Variants in TMPRSS15 observed in about 807,000 individuals in gnomAD.
TMPRSS15 encodes the protein enteropeptidase.
Under a neutral mutation model 125.3 loss-of-function variants are expected in TMPRSS15, and 128 were observed. The observed-to-expected ratio is 1.02, with a 90% CI of 0.89 to 1.18. The LOEUF (loss-of-function observed/expected upper bound fraction) is 1.18, where lower values mean the gene tolerates loss of function less well. TMPRSS15 is among the 50% of genes most tolerant of loss of function. TMPRSS15 has a pLI of 0.00. For synonymous variants in TMPRSS15, 446 were observed against 423.2 expected (o/e 1.05, Z -0.66); for missense variants, 1,283 against 1,212.7 (o/e 1.06, Z -0.86).
At chr21:18,418,084 A>G (rs1457592522) in intron 1 of TMPRSS15, among the ~76,000 whole-genome samples, 1 of 152,138 alleles carries the variant, frequency 6.6e-6, no homozygotes, top group Non-Finnish European at 1.5e-5. Flanking sequence ...AATGAAATGT[A>G]TTGCTCATTT....
chr21:18,319,463 T>C (rs1601328933), intron 16 of TMPRSS15, among the ~76,000 whole-genome samples: 1 of 147,878 alleles, frequency 6.8e-6, no homozygotes, highest in East Asian at 2.0e-4. Flanking sequence ...AGTTTTGCTC[T>C]TGTTGCCCAG....
rs370916368 is a variant in TMPRSS15 at position 18,293,346 on chromosome 21, A to G, written c.2486+924T>C. Among the ~76,000 whole-genome samples, 3 of 151,968 alleles carry G rather than the reference A, an allele frequency of 2.0e-5. No homozygotes were observed. The South Asian group carries it at 6.2e-4, about 32-fold the overall frequency. ...TCCTCGTCAATGCCTGGTTCTTTCT[A>G]ACATGGTTCTTTCCTCTGAGGTTCT... On this transcript the variant is annotated intron_variant, in intron 21 of 24. Transcript: ENST00000284885.
At chr21:18,331,136 A>C (rs2075341690) in intron 14 of TMPRSS15, among the ~76,000 whole-genome samples, 2 of 151,860 alleles carry the variant, frequency 1.3e-5, no homozygotes, top group African/African-American at 4.8e-5. Flanking sequence ...TCCCCAAAGA[A>C]GTCAAATTAG....
chr21:18,294,584 T>A lies in TMPRSS15; in HGVS notation c.2311+19A>T, dbSNP rs1540000. ...TAAACAGAATGCTTGAAGTGGGATA[T>A]GACAACATATTTACTTACATTTATG... On this transcript the variant is annotated intron_variant, in intron 20 of 24. Transcript: ENST00000284885. 0.28 allele frequency: 455,976 copies of A among 1,607,282 alleles called. 67,845 individuals carry two copies. Among genetic ancestry groups the A allele is most frequent in the African/African-American group, 0.41 (30,345 of 74,808 alleles).
intron 1 of TMPRSS15, among the ~76,000 whole-genome samples, chr21:18,455,212 C>G (rs1215809725): frequency 6.6e-6 from 1 of 152,102 alleles, no homozygotes; most frequent in African/African-American, 2.4e-5. Flanking sequence ...GACTATTAGT[C>G]AATTAAACCT....
At chr21:18,477,295 C>T (rs931318916) in intron 1 of TMPRSS15, 3 of 152,106 alleles carry the variant, frequency 2.0e-5, no homozygotes, top group African/African-American at 4.8e-5. Flanking sequence ...TCACTTCCAG[C>T]GGCTGGATAT....
chr21:18,396,815 T>TATCTATCTATC (rs1255502630), intron 3 of TMPRSS15, among the ~76,000 whole-genome samples: 6 of 144,122 alleles, frequency 4.2e-5, no homozygotes, highest in African/African-American at 5.2e-5. Flanking sequence ...TCTGTCTATC[T>TATCTATCTATC]ATCTATCTAT....
chr21:18,280,588 A>AC (rs1568979242), intron 22 of TMPRSS15, among the ~76,000 whole-genome samples: 3 of 145,992 alleles, frequency 2.1e-5, no homozygotes, highest in Admixed American at 1.3e-4. Flanking sequence ...AAAAAAAAAA[A>AC]AAAAAAACAA....
intron 1 of TMPRSS15, among the ~76,000 whole-genome samples, chr21:18,433,407 T>G (rs2076220539): frequency 2.0e-5 from 3 of 151,694 alleles, no homozygotes; most frequent in South Asian, 4.2e-4. Context: ...AATAACAGAG[T>G]TTAGGCCTGG....
At chr21:18,473,562 T>A (rs922332726) in intron 1 of TMPRSS15, among the ~76,000 whole-genome samples, 1 of 152,128 alleles carries the variant, frequency 6.6e-6, no homozygotes, top group Non-Finnish European at 1.5e-5. Context: ...TATAAGTTGA[T>A]GTGTGTTATT....
intron 13 of TMPRSS15, among the ~76,000 whole-genome samples, chr21:18,340,151 A>G (rs2075432517): frequency 6.6e-6 from 1 of 152,196 alleles, no homozygotes; most frequent in South Asian, 2.1e-4. Context: ...CATTTGAGTC[A>G]GGGGACTGGG....
intron 6 of TMPRSS15, among the ~76,000 whole-genome samples, chr21:18,370,384 C>A (rs1193567807): frequency 2.6e-5 from 4 of 152,010 alleles, no homozygotes; most frequent in Non-Finnish European, 1.5e-5. Flanking sequence ...GGTAGTTATG[C>A]CTTTTCCTCT....
chr21:18,329,202 T>C lies in TMPRSS15; in HGVS notation c.1747A>G (p.Arg583Gly). Reference sequence around the variant, plus strand: ...AAGGAATCAGCTTCTTCACCATCTCTTATTTCAACTACATCGTTAATATTT... The same window carrying C: ...AAGGAATCAGCTTCTTCACCATCTCCTATTTCAACTACATCGTTAATATTT... Reference protein sequence around the residue: ...LENINDVVEIRDGEEADSLLL... With the variant: ...LENINDVVEIGDGEEADSLLL... Residue 583 changes from arginine to glycine, a missense_variant, in exon 15 of 25, where the codon AGA (arginine) becomes GGA (glycine). By Grantham distance (125) the Arg-to-Gly change is moderately radical (BLOSUM62 -2). Coordinates refer to ENST00000284885, the MANE Select transcript of TMPRSS15 (RefSeq NM_002772.3). The C allele has an allele frequency of 6.2e-7, 1 of 1,612,744 alleles. No homozygotes were observed. The highest frequency in any genetic ancestry group is 1.1e-5 in the South Asian group (1 of 91,054).
At chr21:18,403,419 C>T in intron 1 of TMPRSS15, 59 bp downstream of exon 1, 1 of 1,609,616 alleles carries the variant, frequency 6.2e-7, no homozygotes, top group Non-Finnish European at 8.5e-7. Context: ...GAATAACTGA[C>T]ACTAAAGTGT....
At chr21:18,400,245 T>A (rs1402592634) in intron 1 of TMPRSS15, among the ~76,000 whole-genome samples, 6 of 151,994 alleles carry the variant, frequency 3.9e-5, no homozygotes, top group Admixed American at 3.9e-4. Context: ...CATATGGAAC[T>A]AGGAAAGAGC....
intron 13 of TMPRSS15, among the ~76,000 whole-genome samples, chr21:18,340,388 G>A (rs1279122704): frequency 5.3e-5 from 8 of 152,106 alleles, no homozygotes; most frequent in Admixed American, 4.6e-4. Flanking sequence ...CAGGCCTTTG[G>A]CCACAGACTG....
chr21:18,444,527 T>C (rs1225953264), intron 1 of TMPRSS15, among the ~76,000 whole-genome samples: 1 of 152,112 alleles, frequency 6.6e-6, no homozygotes, highest in African/African-American at 2.4e-5. Context: ...GAGAAATTCC[T>C]AATGTAGATG....
At chr21:18,417,384 A>G (rs1407594130) in intron 1 of TMPRSS15, among the ~76,000 whole-genome samples, 1 of 152,152 alleles carries the variant, frequency 6.6e-6, no homozygotes, top group East Asian at 1.9e-4. Context: ...AATTACAGCC[A>G]GACTGAGATT....
chr21:18,413,996 A>G (rs1348395783), intron 1 of TMPRSS15, among the ~76,000 whole-genome samples: 2 of 152,230 alleles, frequency 1.3e-5, no homozygotes, highest in Non-Finnish European at 2.9e-5. Flanking sequence ...AGTAGTAATT[A>G]TTTAGCTATA....
Sources: gnomAD v4.1 joint callset for allele counts (sites outside exome capture counted in the v4.1 genomes callset) on GRCh38, gnomAD v4.1.1 for gene constraint, MANE v1.5 for transcripts, NCBI Gene and HGNC (gene_info 2026-07-23, HGNC 2026-07-21) for gene names.